The following MCTP1 variants were observed in gnomAD, a reference collection of about 807,000 sequenced individuals.
MCTP1 encodes multiple C2 and transmembrane domain-containing protein 1.
Under a neutral mutation model 120.6 loss-of-function variants are expected in MCTP1, and 69 were observed. The ratio of observed to expected loss-of-function variants is 0.57; its 90% CI spans 0.47 to 0.70. The LOEUF (loss-of-function observed/expected upper bound fraction) is 0.70. Ranked by LOEUF, MCTP1 falls within the 30% of genes least tolerant of loss-of-function variation. The pLI, the probability that MCTP1 is intolerant of heterozygous loss-of-function variation, is 0.00. For missense variants in MCTP1, 1,203 were observed against 1,248.8 expected, an observed-to-expected ratio of 0.96 and a Z score of 0.55; for synonymous variants, 529 against 493.1, an observed-to-expected ratio of 1.07 and a Z score of -0.96.
In MCTP1 at chr5:95,071,328, T is replaced by C. The variant is rs189328371; in HGVS notation, c.721-53844A>G. Among the ~76,000 whole-genome samples, 19 of 152,270 alleles carry C rather than the reference T, an allele frequency of 1.2e-4. No homozygotes were observed. In the East Asian group the frequency reaches 3.7e-3, roughly 29 times the overall value. ...CTGGATCAGAATCTTCTGGAGAATT[T>C]TGGTGCTGCCAGATGCTGTGCTGGG... On this transcript the variant is annotated intron_variant, in intron 1 of 22. Coordinates refer to ENST00000515393, the MANE Select transcript of MCTP1 (RefSeq NM_024717.7).
At chr5:94,954,165 TATACATATATATATATGC>T (rs1450609994) in intron 2 of MCTP1, among the ~76,000 whole-genome samples, 4 of 99,522 alleles carry the variant, frequency 4.0e-5, no homozygotes, top group African/African-American at 8.9e-5. Context: ...TATGCATATA[TATACATATATATATATGC>T]ATATATATAT....
intron 1 of MCTP1, among the ~76,000 whole-genome samples, chr5:95,230,998 G>A (rs1754875762): frequency 6.6e-6 from 1 of 152,158 alleles, no homozygotes; most frequent in Non-Finnish European, 1.5e-5. Flanking sequence ...AATAGAGGTA[G>A]AGGATGGAAA....
chr5:94,862,497 C>A (rs2153233602), intron 17 of MCTP1, among the ~76,000 whole-genome samples: 1 of 151,890 alleles, frequency 6.6e-6, no homozygotes, highest in Admixed American at 6.6e-5. Flanking sequence ...ACAAAAATAA[C>A]TTCACAATTA....
Position 95,284,104 on chromosome 5 carries a change from A to G in MCTP1, c.472T>C (p.Ser158Pro), listed in dbSNP as rs750403530. 6.4e-7 allele frequency: 1 copy of G among 1,551,370 alleles called. No homozygotes were observed. Among genetic ancestry groups the G allele is most frequent in the Non-Finnish European group, 8.7e-7 (1 of 1,147,218 alleles). The change falls in exon 1 of 23, where the codon TCC becomes CCC. Residue 158 changes from serine (S) to proline (P), a missense_variant. By Grantham distance (74) the Ser-to-Pro change is moderately conservative. Around this residue, in one of 2 missense-constraint regions of MCTP1, gnomAD observed 463 missense variants for 377.8 expected, o/e 1.23. Coordinates refer to ENST00000515393, the MANE Select transcript of MCTP1 (RefSeq NM_024717.7). The surrounding 1 kb of genome is among the most constrained non-coding windows in gnomAD (Gnocchi z 5.2). ...AGGGAGGATGAGGCGGAGGAAGAGG[A>G]AGGAGCTGAGTCGGGGGAGCGTCCG... The part of the protein sequence containing the change: ...PGGRSPDSAP[S>P]SSSASSSLSS...
At chr5:95,099,841 C>T (rs1402474645) in intron 1 of MCTP1, among the ~76,000 whole-genome samples, 1,806 of 147,288 alleles carry the variant, frequency 0.012, 31 homozygotes, top group African/African-American at 0.042. Flanking sequence ...TATTGCGGCA[C>T]TATTCACAAT....
intron 2 of MCTP1, among the ~76,000 whole-genome samples, chr5:94,986,416 GT>G (rs1413663937): frequency 6.6e-6 from 1 of 152,106 alleles, no homozygotes; most frequent in Non-Finnish European, 1.5e-5. Flanking sequence ...TTCATAATCT[GT>G]TTTACTAAGA....
intron 1 of MCTP1, among the ~76,000 whole-genome samples, chr5:95,191,989 G>T (rs1749872768): frequency 6.6e-6 from 1 of 151,890 alleles, no homozygotes; most frequent in Non-Finnish European, 1.5e-5. Flanking sequence ...TAGTCATTAT[G>T]CAATTTGTCA....
At chr5:94,885,361 G>A (rs1343640174) in intron 12 of MCTP1, among the ~76,000 whole-genome samples, 2 of 151,658 alleles carry the variant, frequency 1.3e-5, no homozygotes, top group Non-Finnish European at 2.9e-5. Context: ...AAATGAAGGG[G>A]AGGGGCGGAG....
chr5:94,708,321 A>G, intron 22 of MCTP1, 191 bp downstream of exon 22: 1 of 438,380 alleles, frequency 2.3e-6, no homozygotes, highest in Non-Finnish European at 4.1e-6. Context: ...TCTTTCTCCC[A>G]TTCTCTGTAA....
At chr5:94,951,040 C>G (rs926123244) in intron 3 of MCTP1, among the ~76,000 whole-genome samples, 2 of 149,096 alleles carry the variant, frequency 1.3e-5, no homozygotes, top group African/African-American at 5.0e-5. Flanking sequence ...CAAGTCAGGA[C>G]TTTCAGGGTA....
intron 1 of MCTP1, among the ~76,000 whole-genome samples, chr5:95,111,880 C>T (rs1284153199): frequency 6.6e-6 from 1 of 151,978 alleles, no homozygotes. Context: ...ATCTGTGTAC[C>T]TTTTATAGCA....
intron 2 of MCTP1, among the ~76,000 whole-genome samples, chr5:94,953,897 A>AT (rs1821436189): frequency 1.2e-4 from 7 of 58,848 alleles, no homozygotes; most frequent in African/African-American, 5.2e-4. Flanking sequence ...ATATACAAAT[A>AT]TATATATGCA....
chr5:94,887,439 T>G (rs1394900337), intron 12 of MCTP1, among the ~76,000 whole-genome samples: 2 of 152,188 alleles, frequency 1.3e-5, no homozygotes, highest in African/African-American at 2.4e-5. Flanking sequence ...GACAAACTTA[T>G]ACAATTCTAT....
chr5:95,126,458 G>A (rs1758642555), intron 1 of MCTP1, among the ~76,000 whole-genome samples: 1 of 152,168 alleles, frequency 6.6e-6, no homozygotes, highest in African/African-American at 2.4e-5. Context: ...GTACCTAATG[G>A]TCTGTTTAAA....
intron 17 of MCTP1, among the ~76,000 whole-genome samples, chr5:94,832,439 G>A (rs746514216): frequency 6.6e-6 from 1 of 152,122 alleles, no homozygotes; most frequent in Non-Finnish European, 1.5e-5. Context: ...TTTTTGCTGG[G>A]AAAATATGTC....
At chr5:95,075,323 C>A (rs1457725238) in intron 1 of MCTP1, among the ~76,000 whole-genome samples, 2 of 152,184 alleles carry the variant, frequency 1.3e-5, no homozygotes, top group African/African-American at 4.8e-5. Flanking sequence ...CTTCTCTGAG[C>A]CTATAAATAT....
chr5:94,721,430 C>T (rs1760865551), intron 19 of MCTP1, among the ~76,000 whole-genome samples: 1 of 152,148 alleles, frequency 6.6e-6, no homozygotes, highest in African/African-American at 2.4e-5. Context: ...TCTTCATTTG[C>T]TTTGTTACTA....
At chr5:94,818,597 C>T (rs1784965040) in intron 17 of MCTP1, among the ~76,000 whole-genome samples, 1 of 152,222 alleles carries the variant, frequency 6.6e-6, no homozygotes, top group African/African-American at 2.4e-5. Context: ...GCTACAATTA[C>T]TCTCCTTCTG....
intron 2 of MCTP1, among the ~76,000 whole-genome samples, chr5:94,984,190 T>C (rs1021666705): frequency 6.6e-6 from 1 of 152,214 alleles, no homozygotes; most frequent in African/African-American, 2.4e-5. Context: ...CTCCCATCTG[T>C]CTCCCATTCT....
Sources: allele counts gnomAD v4.1 joint callset (sites outside exome capture counted in the v4.1 genomes callset), GRCh38; gene constraint gnomAD v4.1.1; regional missense constraint gnomAD v4.1.1; non-coding constraint Gnocchi (gnomAD v3.1); transcripts MANE v1.5; gene names NCBI Gene and HGNC (gene_info 2026-07-23, HGNC 2026-07-21).